SSBP3: variants seen among roughly 807,000 people sequenced by gnomAD.
The protein encoded by SSBP3 is single stranded DNA binding protein 3.
A neutral mutation model predicts 69.6 loss-of-function variants in SSBP3; 5 were observed. The ratio of observed to expected loss-of-function variants is 0.07; its 90% confidence interval spans 0.04 to 0.15. The LOEUF (loss-of-function observed/expected upper bound fraction) is 0.15, where lower values mean the gene tolerates loss of function less well. SSBP3 is among the 10% of genes least tolerant of loss of function. The pLI is 1.00. For synonymous variants in SSBP3, 196 were observed against 193.4 expected (o/e 1.01, Z -0.11); for missense variants, 312 against 534.0 (o/e 0.58, Z 4.10).
At position 54,258,636 on chromosome 1, in the gene SSBP3, C is replaced by CT. The variant is rs1644964690; in HGVS notation, c.367-488dup. Among the ~76,000 whole-genome samples, 1 of 152,124 alleles carries CT rather than the reference C, an allele frequency of 6.6e-6. No individual in the cohort carries two copies. The highest frequency in any genetic ancestry group is 6.5e-5 in the Admixed American group (1 of 15,280). The stretch of plus-strand genomic sequence containing the variant: ...GGGACAGTGACACGGCTATGGGTGA[C>CT]TCGAGGCAGTACTGATCAAGTGTCA... On this transcript the variant is annotated intron_variant, in intron 5 of 17. Transcript: ENST00000610401. This position sits in a 1 kb window ranked among gnomAD's most constrained non-coding sequence, Gnocchi z 4.5.
At chr1:54,284,222 C>G (rs1295710142) in intron 4 of SSBP3, among the ~76,000 whole-genome samples, 1 of 150,506 alleles carries the variant, frequency 6.6e-6, no homozygotes, top group Non-Finnish European at 1.5e-5. Flanking sequence ...GCATGAGCCA[C>G]CACCCCCCGC....
intron 5 of SSBP3, among the ~76,000 whole-genome samples, chr1:54,263,276 C>T (rs926966679): frequency 2.6e-5 from 4 of 152,226 alleles, no homozygotes; most frequent in Admixed American, 6.5e-5. Flanking sequence ...GGACCCCCAG[C>T]CCTCCCGCAC....
chr1:54,351,672 A>C (rs1389073161), intron 4 of SSBP3, among the ~76,000 whole-genome samples: 1 of 152,236 alleles, frequency 6.6e-6, no homozygotes, highest in Non-Finnish European at 1.5e-5. Flanking sequence ...TATTCACCTA[A>C]GACAGGGTTC....
chr1:54,338,817 A>G (rs1393446484), intron 4 of SSBP3, among the ~76,000 whole-genome samples: 2 of 152,208 alleles, frequency 1.3e-5, no homozygotes, highest in Non-Finnish European at 2.9e-5. Context: ...AAACAGCCCC[A>G]GCCTCCTACA....
intron 4 of SSBP3, chr1:54,326,191 T>A (rs1408530576): frequency 6.6e-6 from 1 of 152,158 alleles, no homozygotes; most frequent in African/African-American, 2.4e-5. Context: ...AGCGGATGAA[T>A]GAACAGCCAG....
chr1:54,255,743 A>G (rs1557466356), intron 7 of SSBP3: 1 of 152,138 alleles, frequency 6.6e-6, no homozygotes, highest in Non-Finnish European at 1.5e-5. Flanking sequence ...AAAACAAAAT[A>G]AAAAGGTGGG....
chr1:54,306,778 CAT>C (rs2100233435), intron 4 of SSBP3, among the ~76,000 whole-genome samples: 1 of 152,238 alleles, frequency 6.6e-6, no homozygotes, highest in East Asian at 1.9e-4. Flanking sequence ...ACCTGGGCAA[CAT>C]AGCGAGACCT....
chr1:54,384,740 T>C (rs1356576539), intron 4 of SSBP3, among the ~76,000 whole-genome samples: 2 of 152,172 alleles, frequency 1.3e-5, no homozygotes, highest in Admixed American at 6.5e-5. Flanking sequence ...AATACACAGA[T>C]GTCTTTTTAA....
intron 4 of SSBP3, among the ~76,000 whole-genome samples, chr1:54,331,877 T>C (rs925209840): frequency 1.3e-5 from 2 of 152,190 alleles, no homozygotes; most frequent in Non-Finnish European, 1.5e-5. Context: ...TGCCTGAGCC[T>C]CCTAACACAG....
At chr1:54,394,548 C>A (rs1242868637) in intron 4 of SSBP3, among the ~76,000 whole-genome samples, 1 of 152,112 alleles carries the variant, frequency 6.6e-6, no homozygotes, top group African/African-American at 2.4e-5. Context: ...GTGTCTTATT[C>A]TCCTGGTCTG....
At chr1:54,349,918 C>A (rs1411673402) in intron 4 of SSBP3, among the ~76,000 whole-genome samples, 1 of 152,064 alleles carries the variant, frequency 6.6e-6, no homozygotes, top group African/African-American at 2.4e-5. Context: ...TGGTACATCT[C>A]CCACCTGGGG....
At chr1:54,273,683 ACC>A (rs1390558942) in intron 5 of SSBP3, among the ~76,000 whole-genome samples, 1 of 152,008 alleles carries the variant, frequency 6.6e-6, no homozygotes, top group African/African-American at 2.4e-5. Context: ...AGTGGCCAGC[ACC>A]CCCCACTGGA....
chr1:54,334,864 C>T (rs1646482312), intron 4 of SSBP3, among the ~76,000 whole-genome samples: 1 of 152,194 alleles, frequency 6.6e-6, no homozygotes, highest in South Asian at 2.1e-4. Context: ...GAATCTTCTT[C>T]ATCCTGTGCC....
chr1:54,345,106 G>A (rs995310235), intron 4 of SSBP3, among the ~76,000 whole-genome samples: 55 of 152,150 alleles, frequency 3.6e-4, no homozygotes, highest in Non-Finnish European at 1.3e-4. Context: ...GGGGAGACTA[G>A]AAAGTTACAA....
intron 4 of SSBP3, among the ~76,000 whole-genome samples, chr1:54,368,288 CAA>C (rs57721486): frequency 2.5e-3 from 173 of 69,020 alleles, no homozygotes; most frequent in African/African-American, 6.8e-3. Flanking sequence ...GACTCCATCT[CAA>C]AAAAAAAAAA....
chr1:54,342,733 G>A (rs1387166715), intron 4 of SSBP3, among the ~76,000 whole-genome samples: 3 of 152,220 alleles, frequency 2.0e-5, no homozygotes, highest in African/African-American at 7.2e-5. Context: ...GTATTCTTAA[G>A]TAAAACGTGG....
intron 4 of SSBP3, among the ~76,000 whole-genome samples, chr1:54,321,315 G>C (rs1381615130): frequency 6.6e-6 from 1 of 152,254 alleles, no homozygotes; most frequent in Non-Finnish European, 1.5e-5. Flanking sequence ...TCTGGCAGCA[G>C]GCTGTATTCA....
At chr1:54,330,666 T>C (rs1646393618) in intron 4 of SSBP3, among the ~76,000 whole-genome samples, 1 of 152,066 alleles carries the variant, frequency 6.6e-6, no homozygotes, top group Non-Finnish European at 1.5e-5. Context: ...CTCTACCTGC[T>C]GACACAGCCC....
At chr1:54,405,018 C>T in intron 1 of SSBP3, 88 bp from the exon 2 acceptor site, 10 of 1,209,228 alleles carry the variant, frequency 8.3e-6, no homozygotes, top group African/African-American at 1.5e-5. Context: ...AGGCTTTGAG[C>T]CCTGTCTGCG....
Sources: allele counts gnomAD v4.1 joint callset (sites outside exome capture counted in the v4.1 genomes callset), GRCh38; gene constraint gnomAD v4.1.1; non-coding constraint Gnocchi (gnomAD v3.1); transcripts MANE v1.5; gene names NCBI Gene and HGNC (gene_info 2026-07-23, HGNC 2026-07-21).